Variants in FCHO2 observed in about 807,000 individuals in gnomAD.
The protein encoded by FCHO2 is FCH and mu domain containing endocytic adaptor 2, also known as F-BAR domain only protein 2.
Under a neutral mutation model 114.1 loss-of-function variants are expected in FCHO2, and 43 were observed. That is an observed-to-expected ratio of 0.38 (90% CI 0.30 to 0.49). The LOEUF is 0.49. Among genes scored for constraint, FCHO2 ranks in the 20% least tolerant of loss-of-function variants. FCHO2 has a pLI of 0.97. For synonymous variants in FCHO2, 293 were observed against 315.2 expected (o/e 0.93, Z 0.75); for missense variants, 807 against 950.4 (o/e 0.85, Z 1.98).
In FCHO2 at chr5:72,976,670, C is replaced by T. The variant is rs528409325; in HGVS notation, c.125+8081C>T. Among the ~76,000 whole-genome samples, 11 of 151,990 alleles carry T rather than the reference C, an allele frequency of 7.2e-5. No homozygotes were observed. The South Asian group carries it at 8.3e-4, about 11-fold the overall frequency. On this transcript the variant is annotated intron_variant, in intron 2 of 25. Coordinates refer to ENST00000430046, the MANE Select transcript of FCHO2 (RefSeq NM_138782.3). ...TTAAGCCCTGGGATATAGGTGCGAACGTGCAGGGTTGTTACATAGGTATAC... is the reference window on the plus strand; with the variant it reads ...TTAAGCCCTGGGATATAGGTGCGAATGTGCAGGGTTGTTACATAGGTATAC...
chr5:73,068,815 T>G, intron 19 of FCHO2, 36 bp downstream of exon 19: 1 of 1,598,136 alleles, frequency 6.3e-7, no homozygotes, highest in Non-Finnish European at 8.5e-7. Flanking sequence ...TGAAATGTAG[T>G]GTACAAAGTA....
At chr5:73,035,503 T>C (rs2112795791) in intron 9 of FCHO2, among the ~76,000 whole-genome samples, 1 of 152,166 alleles carries the variant, frequency 6.6e-6, no homozygotes, top group South Asian at 2.1e-4. Context: ...ACTGCTCTCT[T>C]CTGTTTTTAT....
At chr5:72,997,245 C>A (rs775176086) in intron 5 of FCHO2, 4 of 1,154,270 alleles carry the variant, frequency 3.5e-6, no homozygotes, top group Non-Finnish European at 5.2e-6. Flanking sequence ...CATTAGAGGC[C>A]CCATGTGGAT....
intron 20 of FCHO2, among the ~76,000 whole-genome samples, chr5:73,076,972 T>C (rs2112889379): frequency 6.6e-6 from 1 of 152,282 alleles, no homozygotes; most frequent in South Asian, 2.1e-4. Context: ...CCAGGCCCAG[T>C]GCTTTTTGGG....
chr5:73,031,515 C>G (rs944344358), intron 8 of FCHO2, among the ~76,000 whole-genome samples: 1 of 152,156 alleles, frequency 6.6e-6, no homozygotes. Context: ...TTTCCTCAGT[C>G]CACAAAACAT....
chr5:73,065,705 G>A (rs868357745), intron 18 of FCHO2, among the ~76,000 whole-genome samples: 1 of 151,820 alleles, frequency 6.6e-6, no homozygotes, highest in Non-Finnish European at 1.5e-5. Flanking sequence ...TTTTCTACTT[G>A]CAAATATCTT....
intron 17 of FCHO2, among the ~76,000 whole-genome samples, chr5:73,060,428 T>C (rs528503246): frequency 1.3e-5 from 2 of 152,238 alleles, no homozygotes; most frequent in Non-Finnish European, 2.9e-5. Context: ...TAATTCATAA[T>C]TGCGATTCTC....
At chr5:72,971,445 T>C (rs1220565252) in intron 2 of FCHO2, among the ~76,000 whole-genome samples, 1 of 152,262 alleles carries the variant, frequency 6.6e-6, no homozygotes, top group African/African-American at 2.4e-5. Context: ...ATTTATCTGA[T>C]GGCCAGCGAT....
intron 17 of FCHO2, among the ~76,000 whole-genome samples, chr5:73,061,571 G>T (rs1316968392): frequency 6.6e-6 from 1 of 151,936 alleles, no homozygotes; most frequent in Non-Finnish European, 1.5e-5. Flanking sequence ...AACCCAGTCA[G>T]ATTCTGAGTC....
chr5:73,005,455 C>T (rs1028618444), intron 5 of FCHO2, among the ~76,000 whole-genome samples: 2 of 152,138 alleles, frequency 1.3e-5, no homozygotes. Flanking sequence ...TCCCAACCTA[C>T]CCTACTGTTT....
At chr5:73,025,919 C>T (rs1273884943) in intron 8 of FCHO2, among the ~76,000 whole-genome samples, 4 of 152,232 alleles carry the variant, frequency 2.6e-5, no homozygotes, top group East Asian at 3.8e-4. Flanking sequence ...GCCCCTCTGG[C>T]GGATGAGTTC....
At chr5:72,970,702 T>A (rs1040145097) in intron 2 of FCHO2, among the ~76,000 whole-genome samples, 1 of 151,936 alleles carries the variant, frequency 6.6e-6, no homozygotes, top group East Asian at 1.9e-4. Context: ...TTTTATTTTT[T>A]ATTTTTTATT....
At chr5:73,077,997 T>G (rs1742972356) in intron 21 of FCHO2, among the ~76,000 whole-genome samples, 183 bp from the exon 22 acceptor site, 2 of 152,192 alleles carry the variant, frequency 1.3e-5, no homozygotes, top group East Asian at 3.8e-4. Flanking sequence ...CTTTTCTCTC[T>G]CTCCATCTTA....
intron 22 of FCHO2, among the ~76,000 whole-genome samples, chr5:73,080,688 T>C (rs976636287): frequency 1.3e-5 from 2 of 152,142 alleles, no homozygotes; most frequent in Non-Finnish European, 2.9e-5. Context: ...GAAAAATACT[T>C]AAAGAACAAA....
At chr5:73,055,982 A>G (rs1175687491) in intron 15 of FCHO2, 83 bp from the exon 16 acceptor site, 4 of 878,938 alleles carry the variant, frequency 4.6e-6, no homozygotes, top group Non-Finnish European at 7.0e-6. Context: ...TAGTGTTGAG[A>G]TATGTGTATA....
At chr5:73,074,301 A>G (rs1363735362) in intron 19 of FCHO2, among the ~76,000 whole-genome samples, 1 of 152,128 alleles carries the variant, frequency 6.6e-6, no homozygotes, top group African/African-American at 2.4e-5. Context: ...AATTATAATA[A>G]TAATGAGTAG....
chr5:73,082,438 T>C (rs771952186), intron 23 of FCHO2, among the ~76,000 whole-genome samples: 81 of 152,272 alleles, frequency 5.3e-4, no homozygotes, highest in Middle Eastern at 3.4e-3. Flanking sequence ...CTAACCGCTC[T>C]TTATAGTTAC....
intron 2 of FCHO2, among the ~76,000 whole-genome samples, chr5:72,983,209 C>G (rs12653327): frequency 0.16 from 23,751 of 151,948 alleles, 2,353 homozygotes; most frequent in South Asian, 0.23. Context: ...CCACCATGCC[C>G]GGCCTTTTTA....
chr5:73,083,357 A>G (rs908220558), intron 24 of FCHO2, among the ~76,000 whole-genome samples: 1 of 152,322 alleles, frequency 6.6e-6, no homozygotes, highest in Middle Eastern at 3.4e-3. Flanking sequence ...TAGATTGAGT[A>G]TGTGTTCTCT....
Sources: allele counts gnomAD v4.1 joint callset (sites outside exome capture counted in the v4.1 genomes callset), GRCh38; gene constraint gnomAD v4.1.1; transcripts MANE v1.5; gene names NCBI Gene and HGNC (gene_info 2026-07-23, HGNC 2026-07-21).